VPS50: variants seen among roughly 807,000 people sequenced by gnomAD.
The protein encoded by VPS50 is syndetin.
A neutral mutation model predicts 139.7 loss-of-function variants in VPS50; 70 were observed. The observed-to-expected ratio is 0.50, with a 90% CI of 0.41 to 0.61. VPS50 has a LOEUF of 0.61. Ranked by LOEUF, VPS50 falls within the 20% of genes least tolerant of loss-of-function variation. VPS50 has a pLI of 0.00. For missense variants in VPS50, 921 were observed against 1,133.7 expected (o/e 0.81, Z 2.69); for synonymous variants, 365 against 376.7 (o/e 0.97, Z 0.36).
chr7:93,280,571 GC>G (rs1175199822), intron 12 of VPS50, among the ~76,000 whole-genome samples: 5 of 152,088 alleles, frequency 3.3e-5, no homozygotes, highest in Non-Finnish European at 7.4e-5. Flanking sequence ...ACATTTGGAA[GC>G]TTTTAATTTA....
chr7:93,240,256 C>T (rs1350079024), intron 2 of VPS50, among the ~76,000 whole-genome samples: 2 of 133,364 alleles, frequency 1.5e-5, no homozygotes, highest in South Asian at 2.2e-4. Context: ...CACACTCTCT[C>T]TCTCTCTCTC....
chr7:93,249,742 A>T (rs1795263718), intron 2 of VPS50, among the ~76,000 whole-genome samples: 1 of 152,118 alleles, frequency 6.6e-6, no homozygotes. Context: ...ACAGTATATG[A>T]AGCTGATATT....
chr7:93,299,218 A>G (rs929510206), intron 16 of VPS50, among the ~76,000 whole-genome samples: 2 of 152,186 alleles, frequency 1.3e-5, no homozygotes, highest in Admixed American at 6.5e-5. Flanking sequence ...GTTGGTGCAA[A>G]CCATCAATGT....
chr7:93,332,042 G>A (rs76721048), intron 21 of VPS50, among the ~76,000 whole-genome samples: 2,629 of 152,300 alleles, frequency 0.017, 80 homozygotes, highest in African/African-American at 0.06. Flanking sequence ...CCACTAGAAT[G>A]GCTAGTTAAA....
chr7:93,249,913 C>T (rs1220217083), intron 2 of VPS50, among the ~76,000 whole-genome samples: 1 of 152,140 alleles, frequency 6.6e-6, no homozygotes, highest in African/African-American at 2.4e-5. Context: ...TGAGTTTTAA[C>T]CAAGTCTGTG....
rs139303767 is a variant in VPS50, at chr7:93,311,540, T to A, written c.1855+268T>A. Among the ~76,000 whole-genome samples the A allele has an allele frequency of 1.3e-4, 20 of 152,272 alleles. 1 individual carries two copies. The East Asian group carries it at 3.9e-3, about 29-fold the overall frequency. On this transcript the variant is annotated intron_variant, in intron 20 of 27. Transcript: ENST00000305866. The stretch of plus-strand genomic sequence containing the variant: ...AATATTTCAGTTAATTGAAATGCGA[T>A]GAAAAATTCTCTAGGTAGGTTAGAG...
At chr7:93,305,362 A>G (rs1197930460) in intron 17 of VPS50, among the ~76,000 whole-genome samples, 2 of 151,974 alleles carry the variant, frequency 1.3e-5, no homozygotes, top group Admixed American at 1.3e-4. Flanking sequence ...GTAGGCGTCA[A>G]TGTAACACAG....
intron 12 of VPS50, 133 bp downstream of exon 12, chr7:93,276,438 T>A: frequency 7.7e-7 from 1 of 1,304,032 alleles, no homozygotes; most frequent in Non-Finnish European, 9.9e-7. Context: ...ATTTTTTTTC[T>A]CCCAAGTTGT....
At chr7:93,316,837 TTCTG>T (rs1438001942) in intron 20 of VPS50, among the ~76,000 whole-genome samples, 1 of 152,228 alleles carries the variant, frequency 6.6e-6, no homozygotes, top group Non-Finnish European at 1.5e-5. Context: ...GGACTAGGAC[TTCTG>T]TCTGATTTTC....
chr7:93,323,800 C>G, intron 21 of VPS50, 68 bp downstream of exon 21: 1 of 813,388 alleles, frequency 1.2e-6, no homozygotes, highest in South Asian at 2.3e-5. Context: ...CAAAGTTTTT[C>G]ATTCTCTCTA....
chr7:93,268,156 A>G (rs1466326398), intron 9 of VPS50, among the ~76,000 whole-genome samples: 1 of 152,184 alleles, frequency 6.6e-6, no homozygotes, highest in Non-Finnish European at 1.5e-5. Flanking sequence ...CTGCCAAATC[A>G]TATAGAATAT....
At chr7:93,349,071 G>A (rs1204444335) in intron 24 of VPS50, among the ~76,000 whole-genome samples, 1 of 152,178 alleles carries the variant, frequency 6.6e-6, no homozygotes, top group Non-Finnish European at 1.5e-5. Context: ...TAAGGGGAAA[G>A]TGCCATGAGT....
chr7:93,357,481 T>C (rs1027881780), intron 27 of VPS50, among the ~76,000 whole-genome samples: 1 of 152,174 alleles, frequency 6.6e-6, no homozygotes, highest in Non-Finnish European at 1.5e-5. Context: ...ATGAGATTAC[T>C]TACCAGGCGG....
At chr7:93,328,761 G>C (rs1797854877) in intron 21 of VPS50, among the ~76,000 whole-genome samples, 1 of 152,134 alleles carries the variant, frequency 6.6e-6, no homozygotes, top group Admixed American at 6.5e-5. Context: ...AATCAGAAAA[G>C]TGGAGCTAGA....
chr7:93,337,839 T>C (rs1286639929), intron 22 of VPS50, among the ~76,000 whole-genome samples: 1 of 152,132 alleles, frequency 6.6e-6, no homozygotes, highest in Non-Finnish European at 1.5e-5. Flanking sequence ...TCTCCAGTGA[T>C]GTTTTTCTGG....
intron 20 of VPS50, among the ~76,000 whole-genome samples, chr7:93,314,036 A>G (rs1322829671): frequency 1.3e-5 from 2 of 152,212 alleles, no homozygotes; most frequent in Admixed American, 1.3e-4. Context: ...TTAGATATAT[A>G]CAAAACAGAA....
intron 21 of VPS50, among the ~76,000 whole-genome samples, chr7:93,327,648 A>G (rs763188394): frequency 2.6e-5 from 4 of 152,358 alleles, no homozygotes; most frequent in Middle Eastern, 3.4e-3. Context: ...AAGAAAATCT[A>G]TAAATAAATA....
chr7:93,341,653 C>A, intron 23 of VPS50, 78 bp downstream of exon 23: 1 of 916,376 alleles, frequency 1.1e-6, no homozygotes, highest in South Asian at 1.8e-5. Flanking sequence ...AATTAGACTT[C>A]TAGTTAGCTG....
In VPS50 at chr7:93,272,738, G is replaced by A. The variant is rs763499673; in HGVS notation, c.801+5G>A. 7.5e-7 allele frequency: 1 copy of A among 1,329,606 alleles called. No homozygotes were observed. Among genetic ancestry groups the A allele is most frequent in the Non-Finnish European group, 1.1e-6 (1 of 943,572 alleles). The allele number at this position is 1,329,606 out of a possible 1,614,324, so 82.4% of individuals were successfully genotyped here. ...CGACTTCTTGGAAAAACACAGGTTT[G>A]TTACAAAAGGATGTTTGGATTTTTC... On this transcript the variant is annotated splice_donor_5th_base_variant and intron_variant, in intron 11 of 27. Transcript: ENST00000305866.
Sources: allele counts gnomAD v4.1 joint callset (sites outside exome capture counted in the v4.1 genomes callset), GRCh38; gene constraint gnomAD v4.1.1; transcripts MANE v1.5; gene names NCBI Gene and HGNC (gene_info 2026-07-23, HGNC 2026-07-21).